Variants in GPATCH8 observed in about 807,000 individuals in gnomAD.
GPATCH8 encodes G patch domain-containing protein 8.
A neutral mutation model predicts 118.3 loss-of-function variants in GPATCH8; 18 were observed. That is an observed-to-expected ratio of 0.15 (90% CI 0.11 to 0.23). The LOEUF (loss-of-function observed/expected upper bound fraction) is 0.23, where lower values mean the gene tolerates loss of function less well. Ranked by LOEUF, GPATCH8 falls within the 10% of genes least tolerant of loss-of-function variation. The pLI is 1.00. For synonymous variants in GPATCH8, 659 were observed against 684.7 expected, an observed-to-expected ratio of 0.96 and a Z score of 0.59; for missense variants, 1,631 against 1,873.8, an observed-to-expected ratio of 0.87 and a Z score of 2.39.
chr17:44,447,649 A>G (rs2050937311), intron 3 of GPATCH8, among the ~76,000 whole-genome samples: 1 of 145,344 alleles, frequency 6.9e-6, no homozygotes, highest in Admixed American at 7.1e-5. Context: ...GACAGGTTCT[A>G]GCTCTATGGC....
intron 1 of GPATCH8, among the ~76,000 whole-genome samples, chr17:44,493,342 C>G (rs140615896): frequency 6.6e-6 from 1 of 152,012 alleles, no homozygotes; most frequent in Non-Finnish European, 1.5e-5. Flanking sequence ...ATTACAGGCA[C>G]GAGCCCCCAC....
chr17:44,479,919 A>G (rs1364345678), intron 1 of GPATCH8, among the ~76,000 whole-genome samples: 2 of 151,764 alleles, frequency 1.3e-5, no homozygotes, highest in African/African-American at 4.8e-5. Context: ...GTGAGCCGAG[A>G]CTGCGCCACT....
intron 6 of GPATCH8, among the ~76,000 whole-genome samples, chr17:44,412,174 T>C (rs1198283789): frequency 6.6e-6 from 1 of 151,732 alleles, no homozygotes; most frequent in African/African-American, 2.4e-5. Flanking sequence ...CTGCCCACCT[T>C]GGCCTCCCAA....
intron 3 of GPATCH8, among the ~76,000 whole-genome samples, chr17:44,446,281 T>C (rs1186105051): frequency 1.3e-5 from 2 of 151,820 alleles, no homozygotes; most frequent in African/African-American, 4.8e-5. Context: ...ATAGAGGAGT[T>C]AAAGGCCAGG....
intron 1 of GPATCH8, chr17:44,486,140 G>A (rs561637666): frequency 1.1e-4 from 16 of 152,204 alleles, no homozygotes; most frequent in African/African-American, 3.9e-4. Context: ...TAAATAAAAT[G>A]AAAAGAGGCT....
intron 2 of GPATCH8, among the ~76,000 whole-genome samples, chr17:44,470,730 G>C (rs777124859): frequency 6.6e-6 from 1 of 151,632 alleles, no homozygotes; most frequent in African/African-American, 2.4e-5. Flanking sequence ...GGCTGTTCTC[G>C]AACTCCTGAC....
intron 1 of GPATCH8, among the ~76,000 whole-genome samples, chr17:44,495,544 ACTT>A (rs911844392): frequency 5.9e-5 from 9 of 152,346 alleles, no homozygotes; most frequent in South Asian, 2.1e-4. Flanking sequence ...AAACAAAAAC[ACTT>A]CTTAACAAAC....
intron 7 of GPATCH8, 96 bp from the exon 8 acceptor site, chr17:44,401,549 C>A: frequency 2.4e-6 from 2 of 833,280 alleles, no homozygotes; most frequent in Non-Finnish European, 4.2e-6. Flanking sequence ...TCCTATCATT[C>A]ATTATAGGTA....
chr17:44,482,217 CAGTG>C (rs973415251), intron 1 of GPATCH8, among the ~76,000 whole-genome samples: 1 of 151,446 alleles, frequency 6.6e-6, no homozygotes, highest in African/African-American at 2.4e-5. Flanking sequence ...TGGGGCCTGT[CAGTG>C]GGTGGGGGGC....
At chr17:44,433,563 T>C (rs948685236) in intron 5 of GPATCH8, among the ~76,000 whole-genome samples, 29 of 152,202 alleles carry the variant, frequency 1.9e-4, no homozygotes, top group Non-Finnish European at 3.2e-4. Context: ...TTAGGGAAGA[T>C]CTATAATGAG....
chr17:44,436,370 A>C, intron 4 of GPATCH8, 108 bp downstream of exon 4: 1 of 728,842 alleles, frequency 1.4e-6, no homozygotes. Flanking sequence ...AAAAATATTA[A>C]AACTACATTT....
intron 1 of GPATCH8, among the ~76,000 whole-genome samples, chr17:44,496,718 G>C (rs1283236941): frequency 5.3e-5 from 8 of 152,180 alleles, no homozygotes; most frequent in African/African-American, 1.9e-4. Flanking sequence ...TACAATGTCA[G>C]AACAACTTTA....
chr17:44,414,101 GTGTGTATATATATATGTA>G (rs2049565493), intron 6 of GPATCH8, among the ~76,000 whole-genome samples: 3 of 122,774 alleles, frequency 2.4e-5, no homozygotes, highest in East Asian at 2.2e-4. Context: ...ATATATATAT[GTGTGTATATATATATGTA>G]TATATATGTG....
chr17:44,441,593 G>A (rs563434762), intron 3 of GPATCH8, among the ~76,000 whole-genome samples: 15 of 151,318 alleles, frequency 9.9e-5, no homozygotes, highest in African/African-American at 3.2e-4. Context: ...GCGTGGTGGC[G>A]GGCACCTGTA....
intron 3 of GPATCH8, among the ~76,000 whole-genome samples, chr17:44,458,446 C>G (rs896860363): frequency 6.6e-6 from 1 of 152,118 alleles, no homozygotes; most frequent in African/African-American, 2.4e-5. Flanking sequence ...GAAACTTGTT[C>G]TTTGCCTATA....
At chr17:44,405,604 A>C (rs1431269223) in intron 7 of GPATCH8, among the ~76,000 whole-genome samples, 1 of 151,838 alleles carries the variant, frequency 6.6e-6, no homozygotes, top group Non-Finnish European at 1.5e-5. Context: ...TCTCAGGTTC[A>C]CGCCATTCTC....
At chr17:44,409,793 C>T (rs1422039138) in intron 6 of GPATCH8, among the ~76,000 whole-genome samples, 1 of 152,162 alleles carries the variant, frequency 6.6e-6, no homozygotes, top group Non-Finnish European at 1.5e-5. Context: ...TACTCCCTTC[C>T]CTCCGTGTGG....
chr17:44,493,402 A>G (rs920888740), intron 1 of GPATCH8, among the ~76,000 whole-genome samples: 2 of 152,204 alleles, frequency 1.3e-5, no homozygotes, highest in Non-Finnish European at 2.9e-5. Flanking sequence ...AACAAAAATT[A>G]TAATCTTTAA....
chr17:44,488,955 G>A (rs374277972), intron 1 of GPATCH8, among the ~76,000 whole-genome samples: 3 of 151,036 alleles, frequency 2.0e-5, no homozygotes, highest in African/African-American at 4.9e-5. Context: ...GCATGATGGC[G>A]GGTGCCTGTA....
Sources: allele counts gnomAD v4.1 joint callset (sites outside exome capture counted in the v4.1 genomes callset), GRCh38; gene constraint gnomAD v4.1.1; transcripts MANE v1.5; gene names NCBI Gene and HGNC (gene_info 2026-07-23, HGNC 2026-07-21).